The following GAS2L2 variants were observed in gnomAD, a reference collection of about 807,000 sequenced individuals.
GAS2L2 encodes the protein growth arrest specific 2 like 2.
In GAS2L2, 21 loss-of-function variants were observed where a neutral mutation model predicts 35.2. The observed-to-expected ratio is 0.60, with a 90% confidence interval of 0.42 to 0.86. The LOEUF is 0.86. GAS2L2 is among the 40% of genes least tolerant of loss of function. The pLI, the probability that GAS2L2 is intolerant of heterozygous loss-of-function variation, is 0.00. For synonymous variants in GAS2L2, 490 were observed against 473.2 expected, an observed-to-expected ratio of 1.04 and a Z score of -0.46; for missense variants, 1,169 against 1,144.4, an observed-to-expected ratio of 1.02 and a Z score of -0.31.
At position 35,749,111 on chromosome 17, in the gene GAS2L2, C is replaced by T. The variant is rs1555599395; in HGVS notation, c.734G>A (p.Arg245Gln). ...CCTTGACCCCCAGCCTGGACTTACC[C>T]GGATGAAGATGAGGGTGTTGGAGTC... ...VGDSNTLIFI[R>Q]ILRNHVMVRV... Residue 245 changes from arginine (R) to glutamine (Q), a missense_variant and splice_region_variant, in exon 3 of 6, where the codon CGG (arginine) becomes CAG (glutamine). Arg to Gln is a conservative substitution (Grantham distance 43). Around this residue, in one of 3 missense-constraint regions of GAS2L2, gnomAD observed 1,035 missense variants for 976.5 expected, o/e 1.06. Transcript: ENST00000604641. 7.5e-6 allele frequency: 12 copies of T among 1,609,326 alleles called. No homozygotes were observed. The highest frequency in any genetic ancestry group is 1.1e-5 in the South Asian group (1 of 90,918).
In GAS2L2 at chr17:35,752,536, T is replaced by C. The variant is rs1207282831; in HGVS notation, c.315A>G (p.Pro105=). 22 of 1,612,824 alleles carry C rather than the reference T, an allele frequency of 1.4e-5. No individual in the cohort carries two copies. Among genetic ancestry groups the C allele is most frequent in the Non-Finnish European group, 1.9e-5 (22 of 1,179,038 alleles). ...CATTGTCCCTGGCCTGGAAGGTACCTGGCTGGGCGGCCCCATTGCAGGAGA... is the reference window on the plus strand; with the variant it reads ...CATTGTCCCTGGCCTGGAAGGTACCCGGCTGGGCGGCCCCATTGCAGGAGA... ...VGVSCNGAAQ[P]GTFQARDNVS... Residue 105 remains proline, a synonymous_variant, in exon 1 of 6, where the codon CCA becomes CCG. Transcript: ENST00000604641.
chr17:35,750,203 T>C lies in GAS2L2; in HGVS notation c.501A>G (p.Thr167=), dbSNP rs782064428. The C allele has an allele frequency of 1.2e-6, 2 of 1,613,382 alleles. No individual in the cohort carries two copies. The highest frequency in any genetic ancestry group is 1.7e-6 in the Non-Finnish European group (2 of 1,179,706). Residue 167 remains threonine (T), a synonymous_variant, in exon 2 of 6, where the codon ACA becomes ACG. Transcript: ENST00000604641. ...CGATCTCCTCCTCCAGCTGCACGAGTGTGGGCGCCGCAACACCAAAGCGCC... is the reference window on the plus strand; with the variant it reads ...CGATCTCCTCCTCCAGCTGCACGAGCGTGGGCGCCGCAACACCAAAGCGCC... The part of the protein sequence containing the change: ...RAWRFGVAAP[T]LVQLEEEIEE...
In GAS2L2 at chr17:35,747,210, CCTTA is replaced by C. The variant is rs587633197; in HGVS notation, c.887_890del (p.Val296GlyfsTer13). ...GGGTCTGTGAGGGTCCATCCTGTAC[CCTTA>C]CTTCATGCTGCACTGGTGGGGCCGG... is the stretch of plus-strand genomic sequence containing the variant. On this transcript the variant is annotated frameshift_variant, in exon 5 of 6. Coordinates refer to ENST00000604641, the MANE Select transcript of GAS2L2 (RefSeq NM_139285.4). LOFTEE classifies it high-confidence loss of function. 1,802 of 1,613,886 alleles carry C rather than the reference CCTTA, an allele frequency of 1.1e-3. 1 individual carries two copies. The highest frequency in any genetic ancestry group is 1.4e-3 in the Non-Finnish European group (1,638 of 1,179,886).
chr17:35,748,452 G>T (rs1555599330), intron 3 of GAS2L2, among the ~76,000 whole-genome samples: 1 of 152,246 alleles, frequency 6.6e-6, no homozygotes, highest in African/African-American at 2.4e-5. Context: ...GGCCCAGAGA[G>T]CTGGCTCTGC....
intron 1 of GAS2L2, among the ~76,000 whole-genome samples, chr17:35,751,874 T>TTTTTTTTA: frequency 7.7e-6 from 1 of 129,226 alleles, no homozygotes; most frequent in African/African-American, 3.0e-5. Flanking sequence ...TTTTTTTTTT[T>TTTTTTTTA]GAGACAGACT....
Position 35,747,921 on chromosome 17 carries a change from G to T in GAS2L2, c.760C>A (p.Arg254Ser). Residue 254 changes from arginine (R) to serine (S), a missense_variant, in exon 4 of 6, where the codon CGT becomes AGT. By Grantham distance (110) the Arg-to-Ser change is moderately radical. Around this residue, in one of 3 missense-constraint regions of GAS2L2, gnomAD observed 1,035 missense variants for 976.5 expected, o/e 1.06. Transcript: ENST00000604641. The part of the protein sequence containing the change: ...IRILRNHVMV[R>S]VGGGWDTLGH... ...AGTGTGTCCCAGCCGCCCCCTACACGTACCATCACATGGTTCCGGAGGATC... is the reference window on the plus strand; with the variant it reads ...AGTGTGTCCCAGCCGCCCCCTACACTTACCATCACATGGTTCCGGAGGATC... 2 of 1,613,816 alleles carry T rather than the reference G, an allele frequency of 1.2e-6. No homozygotes were observed. The highest frequency in any genetic ancestry group is 1.7e-6 in the Non-Finnish European group (2 of 1,179,830).
Position 35,745,964 on chromosome 17 carries a change from G to A in GAS2L2, c.1533C>T (p.Arg511=), listed in dbSNP as rs782165868. Residue 511 remains arginine, a synonymous_variant, in exon 6 of 6, where the codon CGC becomes CGT. Coordinates refer to ENST00000604641, the MANE Select transcript of GAS2L2 (RefSeq NM_139285.4). ...TKIPIRLPPA[R]PPTPGRSFPG... ...GAAAGCTCCTTCCTGGTGTTGGGGGGCGAGCAGGGGGCAGCCGGATGGGGA... is the reference window on the plus strand; with the variant it reads ...GAAAGCTCCTTCCTGGTGTTGGGGGACGAGCAGGGGGCAGCCGGATGGGGA... 12 of 1,604,462 alleles carry A rather than the reference G, an allele frequency of 7.5e-6. No homozygotes were observed. The African/African-American group carries it at 1.1e-4, about 14-fold the overall frequency.
In GAS2L2 at chr17:35,746,998, C is replaced by T. The variant is rs2085672337; in HGVS notation, c.1085+18G>A. ...ACTCCAAAGGAAAAAGAGCCCCATC[C>T]CTGTCTCTTCCCCATACCTCAGGAA... On this transcript the variant is annotated intron_variant, in intron 5 of 5. Coordinates refer to ENST00000604641, the MANE Select transcript of GAS2L2 (RefSeq NM_139285.4). 1 of 1,525,862 alleles carries T rather than the reference C, an allele frequency of 6.6e-7. No homozygotes were observed. Among genetic ancestry groups the T allele is most frequent in the Non-Finnish European group, 8.8e-7 (1 of 1,137,322 alleles). The allele number at this position is 1,525,862 out of a possible 1,614,324, so 94.5% of individuals were successfully genotyped here. A position where few individuals can be genotyped will look rare whatever the true frequency, so the allele number is the denominator to read the frequency against.
intron 4 of GAS2L2, 112 bp from the exon 5 acceptor site, chr17:35,747,380 G>A: frequency 7.8e-7 from 1 of 1,274,828 alleles, no homozygotes; most frequent in Non-Finnish European, 1.1e-6. Flanking sequence ...ATTAAAAACA[G>A]TGGGACCTAC....
Position 35,752,918 on chromosome 17 carries a change from G to A in GAS2L2, c.-68C>T. 6.7e-7 allele frequency: 1 copy of A among 1,485,974 alleles called. No individual in the cohort carries two copies. Among genetic ancestry groups the A allele is most frequent in the Non-Finnish European group, 9.0e-7 (1 of 1,110,082 alleles). 92.0% of individuals were successfully genotyped at this position (1,485,974 alleles called of 1,614,324 possible). Reference sequence around the variant, plus strand: ...CCACTGCCGCCTCTTTCCTCCCGCTGCTGCTGGGTCTCGGCTGGGTTCTTC... The same window carrying A: ...CCACTGCCGCCTCTTTCCTCCCGCTACTGCTGGGTCTCGGCTGGGTTCTTC... On this transcript the variant is annotated 5_prime_UTR_variant, in exon 1 of 6. Coordinates refer to ENST00000604641, the MANE Select transcript of GAS2L2 (RefSeq NM_139285.4).
chr17:35,752,784 G>T lies in GAS2L2; in HGVS notation c.67C>A (p.Pro23Thr). The change falls in exon 1 of 6, where the codon CCT (proline) becomes ACT (threonine). Residue 23 changes from proline to threonine, a missense_variant. Pro to Thr is a conservative substitution (Grantham distance 38). Coordinates refer to ENST00000604641, the MANE Select transcript of GAS2L2 (RefSeq NM_139285.4). ...TLGPPVCSIR[P>T]FKSSEQYLEA... ...AGGTACTGCTCACTCGACTTGAAAG[G>T]CCGGATACTGCACACAGGCGGCCCT... 1 of 1,613,690 alleles carries T rather than the reference G, an allele frequency of 6.2e-7. No homozygotes were observed. Among genetic ancestry groups the T allele is most frequent in the Non-Finnish European group, 8.5e-7 (1 of 1,179,990 alleles).
chr17:35,750,131 C>A lies in GAS2L2; in HGVS notation c.573G>T (p.Ser191=), dbSNP rs782145751. 8 of 1,598,560 alleles carry A rather than the reference C, an allele frequency of 5.0e-6. No individual in the cohort carries two copies. Among genetic ancestry groups the A allele is most frequent in the Non-Finnish European group, 5.1e-6 (6 of 1,175,802 alleles). Residue 191 remains serine (S), a synonymous_variant, in exon 2 of 6, where the codon TCG becomes TCT. Transcript: ENST00000604641. ...RELALPPPDP[S]PPAPPRRQPC... is the part of the protein sequence containing the mutation. The stretch of plus-strand genomic sequence containing the variant: ...GCTGGCGCCTGGGGGGCGCTGGCGG[C>A]GAGGGGTCGGGCGGGGGCAGGGCCA...
At chr17:35,750,381 C>T in intron 1 of GAS2L2, 63 bp from the exon 2 acceptor site, 2 of 1,604,760 alleles carry the variant, frequency 1.2e-6, no homozygotes, top group Non-Finnish European at 1.7e-6. Flanking sequence ...CCTGAGCCTC[C>T]GGGGCAGGGG....
At position 35,745,268 on chromosome 17, in the gene GAS2L2, G is replaced by A; in HGVS notation, c.2229C>T (p.Pro743=). 2 of 1,610,710 alleles carry A rather than the reference G, an allele frequency of 1.2e-6. No homozygotes were observed. Among genetic ancestry groups the A allele is most frequent in the South Asian group, 1.1e-5 (1 of 90,638 alleles). Residue 743 remains proline, a synonymous_variant, in exon 6 of 6, where the codon CCC becomes CCT. Coordinates refer to ENST00000604641, the MANE Select transcript of GAS2L2 (RefSeq NM_139285.4). ...SASPEAPTPS[P]LDPNSDKAKA... Reference sequence around the variant, plus strand: ...TGGCTTTGTCAGAGTTGGGGTCCAAGGGCGAAGGTGTGGGGGCCTCCGGGC... The same window carrying A: ...TGGCTTTGTCAGAGTTGGGGTCCAAAGGCGAAGGTGTGGGGGCCTCCGGGC...
chr17:35,750,023 G>A (rs967500914), intron 2 of GAS2L2, 54 bp downstream of exon 2: 30 of 1,568,724 alleles, frequency 1.9e-5, no homozygotes, highest in Non-Finnish European at 2.5e-5. Context: ...CTGGGGAGAG[G>A]AGCACGAAGG....
rs948296362 is a variant in GAS2L2, at chr17:35,746,958, C to A, written c.1085+58G>T. 17 of 1,481,704 alleles carry A rather than the reference C, an allele frequency of 1.1e-5. No homozygotes were observed. The African/African-American group carries it at 2.4e-4, about 21-fold the overall frequency. 91.8% of individuals were successfully genotyped at this position (1,481,704 alleles called of 1,614,324 possible). ...CTCCTTTTATCTTGGAGTGTGGTGA[C>A]CTCTGAGAATGTGCACTCCAAAGGA... is the stretch of plus-strand genomic sequence containing the variant. On this transcript the variant is annotated intron_variant, in intron 5 of 5. Coordinates refer to ENST00000604641, the MANE Select transcript of GAS2L2 (RefSeq NM_139285.4).
chr17:35,752,026 T>G (rs1038639898), intron 1 of GAS2L2, among the ~76,000 whole-genome samples: 2 of 151,958 alleles, frequency 1.3e-5, no homozygotes, highest in Admixed American at 1.3e-4. Flanking sequence ...GACAGGGTTT[T>G]GCTATGTTAG....
Position 35,744,630 on chromosome 17 carries a change from G to GGAT in GAS2L2, c.*221_*223dup. Reference sequence around the variant, plus strand: ...TTCTAGGGGAGAGTAATGAGATACAGGATGGTCCTACTGCCCCTGGCCTAC... The same window carrying GGAT: ...TTCTAGGGGAGAGTAATGAGATACAGGATGATGGTCCTACTGCCCCTGGCCTAC... On this transcript the variant is annotated 3_prime_UTR_variant, in exon 6 of 6. Transcript: ENST00000604641. 1 of 568,056 alleles carries GGAT rather than the reference G, an allele frequency of 1.8e-6. No individual in the cohort carries two copies. The highest frequency in any genetic ancestry group is 3.1e-6 in the Non-Finnish European group (1 of 318,846). 35.2% of individuals were successfully genotyped at this position (568,056 alleles called of 1,614,324 possible). A position where few individuals can be genotyped will look rare whatever the true frequency, so the allele number is the denominator to read the frequency against.
intron 5 of GAS2L2, 44 bp from the exon 6 acceptor site, chr17:35,746,455 C>T: frequency 8.0e-7 from 1 of 1,255,390 alleles, no homozygotes; most frequent in Non-Finnish European, 1.0e-6. Context: ...ACTCATCAGG[C>T]CGGCAGGGTC....
Sources: gnomAD v4.1 joint callset for allele counts (sites outside exome capture counted in the v4.1 genomes callset) on GRCh38, gnomAD v4.1.1 for gene constraint, gnomAD v4.1.1 regional missense constraint, MANE v1.5 for transcripts, NCBI Gene and HGNC (gene_info 2026-07-23, HGNC 2026-07-21) for gene names.